The following ATP9B variants were observed in gnomAD, a reference collection of about 807,000 sequenced individuals.
ATP9B encodes probable phospholipid-transporting ATPase IIB.
A neutral mutation model predicts 146.1 loss-of-function variants in ATP9B; 110 were observed. The observed-to-expected ratio is 0.75, with a 90% CI of 0.65 to 0.88. The LOEUF (loss-of-function observed/expected upper bound fraction) is 0.88, where lower values mean the gene tolerates loss of function less well. Among genes scored for constraint, ATP9B ranks in the 40% least tolerant of loss-of-function variants. The pLI, the probability that ATP9B is intolerant of heterozygous loss-of-function variation, is 0.00. For missense variants in ATP9B, 1,499 were observed against 1,496.4 expected (o/e 1.00, Z -0.03); for synonymous variants, 604 against 569.7 (o/e 1.06, Z -0.86).
At chr18:79,086,954 C>G (rs1459368621) in intron 1 of ATP9B, among the ~76,000 whole-genome samples, 1 of 152,120 alleles carries the variant, frequency 6.6e-6, no homozygotes, top group African/African-American at 2.4e-5. Flanking sequence ...ATTTTAACAT[C>G]TTGCCCTTTG....
chr18:79,094,900 G>A (rs1464360356), intron 1 of ATP9B, among the ~76,000 whole-genome samples: 4 of 152,128 alleles, frequency 2.6e-5, no homozygotes, highest in East Asian at 3.9e-4. Flanking sequence ...CATCGTACAC[G>A]ACATGTACAC....
chr18:79,108,871 A>G (rs1033301236), intron 2 of ATP9B, among the ~76,000 whole-genome samples: 3 of 152,254 alleles, frequency 2.0e-5, no homozygotes, highest in African/African-American at 7.2e-5. Flanking sequence ...TGGGAGATTT[A>G]TGAAGTTTAC....
At chr18:79,377,215 C>T (rs746022562) in intron 29 of ATP9B, 32 bp from the exon 30 acceptor site, 30 of 1,608,200 alleles carry the variant, frequency 1.9e-5, no homozygotes, top group Middle Eastern at 3.3e-4. Context: ...TCTTGGTCAG[C>T]TCTTACCTTT....
intron 19 of ATP9B, among the ~76,000 whole-genome samples, chr18:79,341,802 G>A (rs2096860893): frequency 6.6e-6 from 1 of 152,092 alleles, no homozygotes; most frequent in African/African-American, 2.4e-5. Flanking sequence ...GTGGTTGGAT[G>A]TGTGTAGCGT....
At chr18:79,344,503 G>A (rs985975574) in intron 21 of ATP9B, 149 bp downstream of exon 21, 1 of 771,828 alleles carries the variant, frequency 1.3e-6, no homozygotes, top group African/African-American at 1.7e-5. Context: ...TCTGAGGCAA[G>A]GCTGGACCCT....
chr18:79,148,799 C>A (rs1338184255), intron 6 of ATP9B, among the ~76,000 whole-genome samples: 1 of 152,126 alleles, frequency 6.6e-6, no homozygotes, highest in East Asian at 1.9e-4. Flanking sequence ...TACATAAATA[C>A]ATATACATAT....
chr18:79,256,064 T>C (rs2096073908), intron 12 of ATP9B, among the ~76,000 whole-genome samples: 1 of 151,822 alleles, frequency 6.6e-6, no homozygotes, highest in Non-Finnish European at 1.5e-5. Flanking sequence ...GCTTTAAAAA[T>C]ATATATTTTT....
At chr18:79,350,041 C>T (rs1253306121) in intron 25 of ATP9B, among the ~76,000 whole-genome samples, 1 of 152,182 alleles carries the variant, frequency 6.6e-6, no homozygotes, top group East Asian at 1.9e-4. Flanking sequence ...GCGTGAACTT[C>T]AGTGCATGCG....
chr18:79,145,357 G>A, intron 6 of ATP9B: 1 of 123,210 alleles, frequency 8.1e-6, no homozygotes, highest in South Asian at 1.2e-4. Flanking sequence ...CAGGCTGCAT[G>A]TCGGGGGAGC....
chr18:79,334,282 G>A (rs2046305), intron 17 of ATP9B, among the ~76,000 whole-genome samples: 2,324 of 152,092 alleles, frequency 0.015, 64 homozygotes, highest in African/African-American at 0.054. Flanking sequence ...GCATGAACCC[G>A]GGAGGCAGAG....
chr18:79,093,540 C>A (rs1323102480), intron 1 of ATP9B, among the ~76,000 whole-genome samples: 1 of 152,124 alleles, frequency 6.6e-6, no homozygotes, highest in Non-Finnish European at 1.5e-5. Flanking sequence ...TTGACTTCAT[C>A]CTGTTTTAAG....
At chr18:79,076,812 G>C (rs930566616) in intron 1 of ATP9B, among the ~76,000 whole-genome samples, 4 of 152,098 alleles carry the variant, frequency 2.6e-5, no homozygotes, top group Non-Finnish European at 5.9e-5. Context: ...ATAGGGTCCT[G>C]AGTTTCTGCT....
At chr18:79,246,309 TACTG>T (rs1450087390) in intron 11 of ATP9B, among the ~76,000 whole-genome samples, 1 of 121,220 alleles carries the variant, frequency 8.2e-6, no homozygotes, top group Non-Finnish European at 1.7e-5. Flanking sequence ...GGCACCGCCC[TACTG>T]ACTGAGGAGG....
intron 8 of ATP9B, among the ~76,000 whole-genome samples, chr18:79,191,955 T>C (rs1650042069): frequency 6.6e-6 from 1 of 152,242 alleles, no homozygotes; most frequent in African/African-American, 2.4e-5. Flanking sequence ...ACTGGTTTTT[T>C]GTTTGGTTCT....
At chr18:79,125,651 A>G (rs572310549) in intron 4 of ATP9B, among the ~76,000 whole-genome samples, 1 of 152,316 alleles carries the variant, frequency 6.6e-6, no homozygotes, top group Non-Finnish European at 1.5e-5. Flanking sequence ...CATTAGCTTC[A>G]TATTAGTGGT....
At chr18:79,206,851 A>G in intron 9 of ATP9B, 86 bp from the exon 10 acceptor site, 3 of 1,245,188 alleles carry the variant, frequency 2.4e-6, no homozygotes, top group Non-Finnish European at 2.3e-6. Flanking sequence ...GAGCTTGTGG[A>G]CCTGTTTCTA....
intron 11 of ATP9B, among the ~76,000 whole-genome samples, chr18:79,219,178 G>T (rs1454992644): frequency 6.6e-6 from 1 of 152,166 alleles, no homozygotes; most frequent in South Asian, 2.1e-4. Context: ...AAAACTGACA[G>T]TACGTTTATT....
chr18:79,150,453 C>A (rs1374613645), intron 6 of ATP9B, among the ~76,000 whole-genome samples: 7 of 152,158 alleles, frequency 4.6e-5, no homozygotes, highest in Non-Finnish European at 7.3e-5. Context: ...AGCTCAATTC[C>A]AGAAAGTCCA....
In ATP9B at chr18:79,221,928, TAAA is replaced by T. The variant is rs11308061; in HGVS notation, c.1107+7901_1107+7903del. On this transcript the variant is annotated intron_variant, in intron 11 of 29. Transcript: ENST00000426216. ...CAATTTTGTTCTTTTTTAGCTGCTTTAAAAAAAAAAAAAGAAAGAAAAACTTAT... is the reference window on the plus strand; with the variant it reads ...CAATTTTGTTCTTTTTTAGCTGCTTTAAAAAAAAAAGAAAGAAAAACTTAT... Among the ~76,000 whole-genome samples the T allele has an allele frequency of 4.9e-3, 639 of 131,556 alleles. 10 individuals are homozygous for T. The highest frequency in any genetic ancestry group is 0.017 in the African/African-American group (575 of 34,132). The allele number at this position is 131,556 out of a possible 152,430, so 86.3% of individuals were successfully genotyped here.
Sources: allele counts gnomAD v4.1 joint callset (sites outside exome capture counted in the v4.1 genomes callset), GRCh38; gene constraint gnomAD v4.1.1; transcripts MANE v1.5; gene names NCBI Gene and HGNC (gene_info 2026-07-23, HGNC 2026-07-21).